The following SLC5A9 variants were observed in gnomAD, a reference collection of about 807,000 sequenced individuals.
SLC5A9 encodes the protein sodium/glucose cotransporter 4.
A neutral mutation model predicts 70.9 loss-of-function variants in SLC5A9; 59 were observed. That is an observed-to-expected ratio of 0.83 (90% CI 0.68 to 1.03). The LOEUF (loss-of-function observed/expected upper bound fraction) is 1.03. Among genes scored for constraint, SLC5A9 ranks in the 50% least tolerant of loss-of-function variants. The pLI, the probability that SLC5A9 is intolerant of heterozygous loss-of-function variation, is 0.00. For missense variants in SLC5A9, 832 were observed against 881.1 expected, an observed-to-expected ratio of 0.94 and a Z score of 0.71; for synonymous variants, 340 against 346.5, an observed-to-expected ratio of 0.98 and a Z score of 0.21.
chr1:48,243,193 T>C (rs1198441624), intron 13 of SLC5A9, among the ~76,000 whole-genome samples: 2 of 152,080 alleles, frequency 1.3e-5, no homozygotes, highest in Non-Finnish European at 2.9e-5. Flanking sequence ...TATTATTTAT[T>C]TATCTCCCCC....
chr1:48,244,482 C>T (rs1644427289), intron 13 of SLC5A9, among the ~76,000 whole-genome samples: 1 of 151,792 alleles, frequency 6.6e-6, no homozygotes, highest in African/African-American at 2.4e-5. Context: ...CATCATAAGC[C>T]CCAGAATCCC....
chr1:48,237,313 G>A (rs767800489), intron 10 of SLC5A9, among the ~76,000 whole-genome samples: 4 of 128,976 alleles, frequency 3.1e-5, no homozygotes, highest in Non-Finnish European at 6.3e-5. Context: ...GGGCAGGGAT[G>A]GAAAAGAGAA....
intron 4 of SLC5A9, among the ~76,000 whole-genome samples, chr1:48,229,832 A>G (rs774960460): frequency 1.3e-5 from 2 of 152,212 alleles, no homozygotes; most frequent in African/African-American, 2.4e-5. Context: ...AGACAGGTCA[A>G]ATGACTTGCC....
At chr1:48,243,720 ATAAAAG>A (rs1644418244) in intron 13 of SLC5A9, among the ~76,000 whole-genome samples, 6 of 152,184 alleles carry the variant, frequency 3.9e-5, no homozygotes, top group Admixed American at 2.6e-4. Flanking sequence ...TGAAACTAAA[ATAAAAG>A]TAAAAGAAAA....
At chr1:48,242,677 C>A in intron 13 of SLC5A9, 61 bp downstream of exon 13, 1 of 1,459,254 alleles carries the variant, frequency 6.9e-7, no homozygotes, top group South Asian at 1.4e-5. Context: ...AGACCTATGT[C>A]ATGGGCGGTC....
At position 48,232,126 on chromosome 1, in the gene SLC5A9, C is replaced by T. The variant is rs1380983570; in HGVS notation, c.872C>T (p.Ala291Val). 1.2e-6 allele frequency: 2 copies of T among 1,613,688 alleles called. No individual in the cohort carries two copies. Among genetic ancestry groups the T allele is most frequent in the Non-Finnish European group, 1.7e-6 (2 of 1,179,746 alleles). ...PGLIFGLTVL[A>V]TWCWCTDQVI... The stretch of plus-strand genomic sequence containing the variant: ...CTCATTTTCGGGCTCACAGTGCTGG[C>T]CACCTGGTGTTGGTGCACAGACCAG... Residue 291 changes from alanine (A) to valine (V), a missense_variant, in exon 7 of 14, where the codon GCC (alanine) becomes GTC (valine). By Grantham distance (64) the Ala-to-Val change is moderately conservative. Transcript: ENST00000438567.
intron 8 of SLC5A9, 25 bp from the exon 9 acceptor site, chr1:48,233,630 C>CT: frequency 6.3e-7 from 1 of 1,595,320 alleles, no homozygotes; most frequent in Admixed American, 1.7e-5. Context: ...ATCACGGACT[C>CT]TAACTGCCAT....
chr1:48,242,280 C>A lies in SLC5A9; in HGVS notation c.1678-177C>A, dbSNP rs922860042. The A allele has an allele frequency of 4.3e-6, 3 of 696,798 alleles. No homozygotes were observed. The African/African-American group carries it at 5.3e-5, about 12-fold the overall frequency. 43.2% of individuals were successfully genotyped at this position (696,798 alleles called of 1,614,324 possible). ...CACCTGGTGTAGAGCAGGAATTGCT[C>A]ATATTTGAAGAAAGAGGAAGTCAGG... On this transcript the variant is annotated intron_variant, in intron 12 of 13. Coordinates refer to ENST00000438567, the MANE Select transcript of SLC5A9 (RefSeq NM_001011547.3).
chr1:48,227,426 GTC>G (rs1644175606), intron 2 of SLC5A9, among the ~76,000 whole-genome samples: 1 of 106,408 alleles, frequency 9.4e-6, no homozygotes, highest in Non-Finnish European at 2.1e-5. Context: ...GTGCATGTGT[GTC>G]AGAGTGTGTG....
At chr1:48,222,950 A>G (rs1418118910) in intron 1 of SLC5A9, 52 bp downstream of exon 1, 2 of 1,595,310 alleles carry the variant, frequency 1.3e-6, no homozygotes, top group Admixed American at 1.7e-5. Flanking sequence ...GTGGTCTCTC[A>G]GCTTGGGTGG....
intron 1 of SLC5A9, among the ~76,000 whole-genome samples, chr1:48,224,400 C>T (rs1380111749): frequency 1.3e-5 from 2 of 152,208 alleles, no homozygotes; most frequent in Non-Finnish European, 2.9e-5. Context: ...ACAAATCATA[C>T]TCTGAAAGCG....
In SLC5A9 at chr1:48,247,540, G is replaced by A. The variant is rs563994329; in HGVS notation, c.2043G>A (p.Ala681=). ...AINIFLWGYF[A] The stretch of plus-strand genomic sequence containing the variant: ...ACATCTTCCTCTGGGGCTATTTTGC[G>A]TGATTCCACAGACCTGGCTTCAGTG... The change falls in exon 14 of 14, where the codon GCG becomes GCA. Residue 681 remains alanine, a synonymous_variant. Coordinates refer to ENST00000438567, the MANE Select transcript of SLC5A9 (RefSeq NM_001011547.3). The A allele has an allele frequency of 2.3e-5, 37 of 1,614,134 alleles. No individual in the cohort carries two copies. The highest frequency in any genetic ancestry group is 1.9e-4 in the South Asian group (17 of 91,078).
intron 2 of SLC5A9, among the ~76,000 whole-genome samples, chr1:48,227,558 A>ATG (rs1271987783): frequency 2.1e-5 from 2 of 97,514 alleles, no homozygotes; most frequent in African/African-American, 8.2e-5. Context: ...GTGTGAGTGC[A>ATG]TGTGTGTCAG....
intron 5 of SLC5A9, 151 bp downstream of exon 5, chr1:48,230,856 G>C: frequency 3.2e-6 from 2 of 630,002 alleles, no homozygotes; most frequent in East Asian, 2.8e-5. Flanking sequence ...GACAAAGAGA[G>C]GCTGAGACAG....
intron 1 of SLC5A9, among the ~76,000 whole-genome samples, chr1:48,224,431 A>G (rs1644114640): frequency 6.6e-6 from 1 of 152,224 alleles, no homozygotes; most frequent in African/African-American, 2.4e-5. Context: ...AGGGAAGGAT[A>G]AGGGGACAAG....
At chr1:48,241,438 A>G (rs938197994) in intron 12 of SLC5A9, among the ~76,000 whole-genome samples, 2 of 152,202 alleles carry the variant, frequency 1.3e-5, no homozygotes, top group African/African-American at 4.8e-5. Flanking sequence ...GTGGAAAGTA[A>G]GAAGTTGGGA....
chr1:48,231,838 T>A, intron 6 of SLC5A9, 108 bp from the exon 7 acceptor site: 1 of 1,558,650 alleles, frequency 6.4e-7, no homozygotes, highest in Non-Finnish European at 8.7e-7. Context: ...TCACCCCCAA[T>A]CCCCATGCCA....
chr1:48,232,968 G>A (rs918140452), intron 8 of SLC5A9, among the ~76,000 whole-genome samples: 2 of 126,940 alleles, frequency 1.6e-5, no homozygotes, highest in Admixed American at 9.6e-5. Context: ...GGAGGAGGAG[G>A]AGGAAAGAAA....
rs563746505 is a variant in SLC5A9, at chr1:48,225,855, T to C, written c.234+1060T>C. Among the ~76,000 whole-genome samples, 55 of 152,194 alleles carry C rather than the reference T, an allele frequency of 3.6e-4. No individual in the cohort carries two copies. In the South Asian group the frequency reaches 0.011, roughly 31 times the overall value. Reference sequence around the variant, plus strand: ...AGTCTCACACTCATGCTCCTTTACATACTTACACGTGCACACTCAGACTCA... The same window carrying C: ...AGTCTCACACTCATGCTCCTTTACACACTTACACGTGCACACTCAGACTCA... On this transcript the variant is annotated intron_variant, in intron 2 of 13. Transcript: ENST00000438567.
Sources: allele counts gnomAD v4.1 joint callset (sites outside exome capture counted in the v4.1 genomes callset), GRCh38; gene constraint gnomAD v4.1.1; transcripts MANE v1.5; gene names NCBI Gene and HGNC (gene_info 2026-07-23, HGNC 2026-07-21).